ACCSL: variants seen among roughly 807,000 people sequenced by gnomAD.
The protein encoded by ACCSL is probable inactive 1-aminocyclopropane-1-carboxylate synthase-like protein 2.
In ACCSL, 55 loss-of-function variants were observed where a neutral mutation model predicts 61.7. That is an observed-to-expected ratio of 0.89 (90% CI 0.72 to 1.12). The LOEUF is 1.12. Ranked by LOEUF, ACCSL falls within the 50% of genes most tolerant of loss-of-function variation. The pLI, the probability that ACCSL is intolerant of heterozygous loss-of-function variation, is 0.00. For missense variants in ACCSL, 632 were observed against 698.0 expected, an observed-to-expected ratio of 0.91 and a Z score of 1.07; for synonymous variants, 258 against 264.3, an observed-to-expected ratio of 0.98 and a Z score of 0.23.
upstream of ACCSL, among the ~76,000 whole-genome samples, chr11:44,046,836 TC>T (rs1209752994): frequency 6.6e-6 from 1 of 152,200 alleles, no homozygotes; most frequent in African/African-American, 2.4e-5. Flanking sequence ...TTTCCTACCT[TC>T]TGGGATCTTG....
the ACCSL span, among the ~76,000 whole-genome samples, chr11:43,959,953 T>C: frequency 3.3e-5 from 5 of 152,160 alleles, no homozygotes; most frequent in Non-Finnish European, 7.4e-5. Flanking sequence ...CACAGGAGGC[T>C]TGGGACCCCC....
At chr11:44,037,082 C>A in the ACCSL span, among the ~76,000 whole-genome samples, 1 of 152,190 alleles carries the variant, frequency 6.6e-6, no homozygotes, top group Admixed American at 6.5e-5. Flanking sequence ...AAGAGGAATT[C>A]TCCTCCTTTC....
chr11:44,029,558 G>A, the ACCSL span, among the ~76,000 whole-genome samples: 3 of 152,236 alleles, frequency 2.0e-5, no homozygotes, highest in Non-Finnish European at 2.9e-5. Context: ...ATGCAGTGAG[G>A]TGGTGCTGGA....
the ACCSL span, chr11:43,926,404 A>C: frequency 2.4e-6 from 1 of 410,536 alleles, no homozygotes; most frequent in Non-Finnish European, 4.9e-6. Flanking sequence ...GCACCCCCAC[A>C]GGACTGTATT....
At position 44,048,244 on chromosome 11, in the gene ACCSL, CT is replaced by C; in HGVS notation, c.210del (p.Leu71Ter). On this transcript the variant is annotated frameshift_variant, in exon 1 of 14. Coordinates refer to ENST00000378832, the MANE Select transcript of ACCSL (RefSeq NM_001031854.2). LOFTEE classifies it high-confidence loss of function. Reference protein sequence around the residue: ...HTEAICEHEALLSRLICRMIN... With the variant: ...HTEAICEHEAXLSRLICRMIN... ...TGAGGCCATCTGTGAGCATGAAGCCCTTCTGAGTCGCTTAATATGCCGGATG... is the reference window on the plus strand; with the variant it reads ...TGAGGCCATCTGTGAGCATGAAGCCCTCTGAGTCGCTTAATATGCCGGATG... The C allele has an allele frequency of 6.2e-7, 1 of 1,614,154 alleles. No individual in the cohort carries two copies. The highest frequency in any genetic ancestry group is 8.5e-7 in the Non-Finnish European group (1 of 1,180,020).
chr11:43,937,830 C>A, the ACCSL span, among the ~76,000 whole-genome samples: 1 of 152,248 alleles, frequency 6.6e-6, no homozygotes, highest in African/African-American at 2.4e-5. Context: ...TGATTGTTCA[C>A]TCCTGTAATC....
chr11:44,050,439 C>G, intron 2 of ACCSL, 113 bp from the exon 3 acceptor site: 5 of 910,828 alleles, frequency 5.5e-6, no homozygotes, highest in Non-Finnish European at 8.8e-6. Flanking sequence ...TACCCATTCC[C>G]TTTCTAGGAG....
At chr11:43,945,136 G>A in the ACCSL span, 2 of 152,390 alleles carry the variant, frequency 1.3e-5, no homozygotes, top group South Asian at 2.1e-4. Context: ...TGTAGTATTT[G>A]GCCCGTGTCC....
the ACCSL span, among the ~76,000 whole-genome samples, chr11:43,930,497 T>G: frequency 6.6e-6 from 1 of 152,174 alleles, no homozygotes; most frequent in African/African-American, 2.4e-5. Context: ...CTCTGTTATT[T>G]CACGCTAGAA....
At chr11:43,987,934 C>G in the ACCSL span, among the ~76,000 whole-genome samples, 521 of 152,194 alleles carry the variant, frequency 3.4e-3, 4 homozygotes, top group East Asian at 0.03. Flanking sequence ...CCCCCACCCC[C>G]CCGCAGGGAA....
At chr11:43,942,896 G>A in the ACCSL span, 4 of 1,357,656 alleles carry the variant, frequency 2.9e-6, no homozygotes, top group Non-Finnish European at 3.8e-6. Context: ...CGCAGACGCC[G>A]GAGGCGCCAT....
chr11:43,999,727 G>A, the ACCSL span, among the ~76,000 whole-genome samples: 1 of 152,252 alleles, frequency 6.6e-6, no homozygotes, highest in Non-Finnish European at 1.5e-5. Context: ...ATCAGGGGGT[G>A]GGATAATCGG....
upstream of ACCSL, among the ~76,000 whole-genome samples, chr11:44,047,793 A>G (rs963672804): frequency 1.3e-5 from 2 of 152,232 alleles, no homozygotes; most frequent in Admixed American, 1.3e-4. Flanking sequence ...CCATTTAAAT[A>G]GAGCACTCAG....
At chr11:43,992,284 C>T in the ACCSL span, among the ~76,000 whole-genome samples, 8 of 152,054 alleles carry the variant, frequency 5.3e-5, no homozygotes, top group African/African-American at 1.9e-4. Context: ...AACTTCTGAG[C>T]TCAGGCGATC....
chr11:43,985,452 T>C, the ACCSL span, among the ~76,000 whole-genome samples: 1 of 152,096 alleles, frequency 6.6e-6, no homozygotes, highest in Non-Finnish European at 1.5e-5. Flanking sequence ...GTTGCTGTGG[T>C]AGGAGGAGCT....
chr11:43,956,473 G>A, the ACCSL span, among the ~76,000 whole-genome samples: 1 of 151,920 alleles, frequency 6.6e-6, no homozygotes, highest in African/African-American at 2.4e-5. Context: ...AGGCTGGGGT[G>A]CAATGGCATG....
chr11:44,006,559 G>A, the ACCSL span, among the ~76,000 whole-genome samples: 4 of 143,794 alleles, frequency 2.8e-5, no homozygotes, highest in South Asian at 6.5e-4. Flanking sequence ...AGGCTGGAGT[G>A]CAGTGGTGCA....
chr11:43,942,373 T>C, the ACCSL span: 17,499 of 215,888 alleles, frequency 0.081, 939 homozygotes, highest in African/African-American at 0.14. Context: ...AGGGTCCCTG[T>C]CCGGGCGCAG....
At chr11:43,959,757 A>G in the ACCSL span, among the ~76,000 whole-genome samples, 2 of 152,182 alleles carry the variant, frequency 1.3e-5, no homozygotes, top group African/African-American at 4.8e-5. Context: ...CAGGGTTTGT[A>G]GAGACCAGGC....
Sources: allele counts gnomAD v4.1 joint callset (sites outside exome capture counted in the v4.1 genomes callset), GRCh38; gene constraint gnomAD v4.1.1; transcripts MANE v1.5; gene names NCBI Gene and HGNC (gene_info 2026-07-23, HGNC 2026-07-21).